C3: variants seen among roughly 807,000 people sequenced by gnomAD.
C3 encodes complement C3.
In C3, 97 loss-of-function variants were observed where a neutral mutation model predicts 207.9. The observed-to-expected ratio is 0.47, with a 90% confidence interval of 0.40 to 0.55. The LOEUF (loss-of-function observed/expected upper bound fraction) is 0.55. C3 is among the 20% of genes least tolerant of loss of function. The pLI, the probability that C3 is intolerant of heterozygous loss-of-function variation, is 0.00. For synonymous variants in C3, 848 were observed against 857.6 expected, an observed-to-expected ratio of 0.99 and a Z score of 0.20; for missense variants, 1,684 against 2,171.7, an observed-to-expected ratio of 0.78 and a Z score of 4.46.
At chr19:6,701,260 G>C (rs1967667198) in intron 19 of C3, among the ~76,000 whole-genome samples, 1 of 152,086 alleles carries the variant, frequency 6.6e-6, no homozygotes, top group Non-Finnish European at 1.5e-5. Context: ...GTTGTGTTTT[G>C]CTCATTATCA....
At position 6,710,983 on chromosome 19, in the gene C3, G is replaced by C; in HGVS notation, c.1479+4C>G. ...GGGGCTGAGGTTTCCAGGTGGCCAC[G>C]GACCAGGTAGGTGTAGTAGCGGATC... On this transcript the variant is annotated splice_donor_region_variant and intron_variant, in intron 12 of 40. Coordinates refer to ENST00000245907, the MANE Select transcript of C3 (RefSeq NM_000064.4). The C allele has an allele frequency of 6.2e-7, 1 of 1,613,870 alleles. No individual in the cohort carries two copies. Among genetic ancestry groups the C allele is most frequent in the Non-Finnish European group, 8.5e-7 (1 of 1,179,776 alleles).
Position 6,697,703 on chromosome 19 carries a change from C to T in C3, c.2532G>A (p.Gln844=), listed in dbSNP as rs749656023. 2 of 1,614,108 alleles carry T rather than the reference C, an allele frequency of 1.2e-6. No individual in the cohort carries two copies. The highest frequency in any genetic ancestry group is 1.1e-5 in the South Asian group (1 of 91,074). The change falls in exon 20 of 41, where the codon CAG becomes CAA. Residue 844 remains glutamine (Q), a synonymous_variant. Coordinates refer to ENST00000245907, the MANE Select transcript of C3 (RefSeq NM_000064.4). ...RLPYSVVRNE[Q]VEIRAVLYNY... is the part of the protein sequence containing the mutation. ...TGTAGAGAACGGCTCGGATTTCCAC[C>T]TGCTCGTTTCGAACAACAGAGTAGG... is the stretch of plus-strand genomic sequence containing the variant.
intron 9 of C3, 55 bp from the exon 10 acceptor site, chr19:6,712,678 T>G (rs1187107045): frequency 6.9e-7 from 1 of 1,446,326 alleles, no homozygotes; most frequent in Non-Finnish European, 9.7e-7. Context: ...GGATTAGACC[T>G]CCTCCCTCAG....
chr19:6,714,598 ACG>A, intron 4 of C3, 152 bp from the exon 5 acceptor site: 1 of 689,260 alleles, frequency 1.5e-6, no homozygotes. Context: ...GCAGCGGCTC[ACG>A]CCTGTCATCC....
chr19:6,706,146 T>C lies in C3; in HGVS notation c.2245+930A>G, dbSNP rs565866511. 8.5e-5 allele frequency among the ~76,000 whole-genome samples: 13 copies of C among 152,344 alleles called. No homozygotes were observed. In the South Asian group the frequency reaches 2.5e-3, roughly 29 times the overall value. Reference sequence around the variant, plus strand: ...TCTGGAATGCCACACAAATTAGTTTTCTCTGGTGAAGCCAAACTTGGAACT... The same window carrying C: ...TCTGGAATGCCACACAAATTAGTTTCCTCTGGTGAAGCCAAACTTGGAACT... On this transcript the variant is annotated intron_variant, in intron 17 of 40. Coordinates refer to ENST00000245907, the MANE Select transcript of C3 (RefSeq NM_000064.4).
Position 6,694,459 on chromosome 19 carries a change from C to T in C3, c.3126G>A (p.Arg1042=), listed in dbSNP as rs1468006570. The T allele has an allele frequency of 6.2e-7, 1 of 1,613,988 alleles. No individual in the cohort carries two copies. The highest frequency in any genetic ancestry group is 1.7e-5 in the Admixed American group (1 of 60,004). Residue 1042 remains arginine (R), a synonymous_variant, in exon 24 of 41, where the codon CGG becomes CGA. Transcript: ENST00000245907. ...TCTTGATGAGCTCCAAGGCCCCCTG[C>T]CGCTTCTCTAGGCCGAACTTCTCCC... The part of the protein sequence containing the change: ...EQWEKFGLEK[R]QGALELIKKG...
intron 38 of C3, among the ~76,000 whole-genome samples, 179 bp downstream of exon 38, chr19:6,678,946 C>T (rs972330952): frequency 2.0e-5 from 3 of 152,160 alleles, no homozygotes; most frequent in Admixed American, 6.6e-5. Context: ...CATACCTAGG[C>T]CACTCACAGT....
At chr19:6,705,794 C>A (rs929422414) in intron 17 of C3, among the ~76,000 whole-genome samples, 3 of 152,188 alleles carry the variant, frequency 2.0e-5, no homozygotes, top group Non-Finnish European at 2.9e-5. Context: ...CCCACCTCAG[C>A]CTCCTGAGTA....
intron 4 of C3, chr19:6,717,729 GTGTGTGT>G: frequency 2.9e-6 from 1 of 348,078 alleles, no homozygotes; most frequent in Non-Finnish European, 5.2e-6. Flanking sequence ...GTATTGTGTT[GTGTGTGT>G]TGTGTGTTGT....
At chr19:6,692,743 G>A (rs960952982) in intron 26 of C3, among the ~76,000 whole-genome samples, 181 bp downstream of exon 26, 24 of 150,750 alleles carry the variant, frequency 1.6e-4, no homozygotes, top group African/African-American at 5.5e-4. Flanking sequence ...GCAGGTCTCT[G>A]GTTTTTGCAA....
chr19:6,677,885 G>A lies in C3; in HGVS notation c.4989C>T (p.Asn1663=). Residue 1663 remains asparagine (N), a synonymous_variant, in exon 41 of 41, where the codon AAC becomes AAT. Transcript: ENST00000245907. Reference sequence around the variant, plus strand: ...GAGTGGGGGAATGGGGGTGTGGTCAGTTGGGGCACCCAAAGACAACCATGC... The same window carrying A: ...GAGTGGGGGAATGGGGGTGTGGTCAATTGGGGCACCCAAAGACAACCATGC... ...TESMVVFGCP[N] 2 of 1,614,058 alleles carry A rather than the reference G, an allele frequency of 1.2e-6. No individual in the cohort carries two copies. The highest frequency in any genetic ancestry group is 1.7e-6 in the Non-Finnish European group (2 of 1,180,044).
rs572089870 is a variant in C3 at position 6,701,700 on chromosome 19, C to T, written c.2440+427G>A. ...CCCCTGCCTGGCTAATTGTTTTGTA[C>T]TTTCAGTAGAGACGGGGTTTCACCA... On this transcript the variant is annotated intron_variant, in intron 19 of 40. Coordinates refer to ENST00000245907, the MANE Select transcript of C3 (RefSeq NM_000064.4). Among the ~76,000 whole-genome samples the T allele has an allele frequency of 1.2e-4, 19 of 152,210 alleles. No individual in the cohort carries two copies. In the East Asian group the frequency reaches 3.7e-3, roughly 29 times the overall value.
intron 14 of C3, among the ~76,000 whole-genome samples, chr19:6,709,311 G>C (rs1305269634): frequency 6.6e-6 from 1 of 152,156 alleles, no homozygotes; most frequent in Non-Finnish European, 1.5e-5. Context: ...AGCTGGGCGT[G>C]GTGATGGGCA....
chr19:6,711,279 C>G (rs1475242001), intron 11 of C3, 83 bp from the exon 12 acceptor site: 1 of 1,140,296 alleles, frequency 8.8e-7, no homozygotes, highest in African/African-American at 1.5e-5. Context: ...AATTGGTGGC[C>G]TTTCTTAACA....
intron 24 of C3, 54 bp downstream of exon 24, chr19:6,694,377 G>A (rs1375316460): frequency 1.7e-5 from 26 of 1,512,066 alleles, no homozygotes; most frequent in Non-Finnish European, 2.3e-5. Flanking sequence ...TCTTAGGGGA[G>A]GGATGCGCTC....
chr19:6,700,094 T>G (rs1014270992), intron 19 of C3, among the ~76,000 whole-genome samples: 4 of 146,226 alleles, frequency 2.7e-5, no homozygotes, highest in South Asian at 4.2e-4. Context: ...TATAATGTAT[T>G]AAATTATAAT....
At chr19:6,704,460 A>T (rs1967732909) in intron 17 of C3, among the ~76,000 whole-genome samples, 1 of 152,088 alleles carries the variant, frequency 6.6e-6, no homozygotes, top group South Asian at 2.1e-4. Flanking sequence ...AAAAATATAT[A>T]TATTTTAATA....
chr19:6,718,459 G>A (rs767541854), intron 2 of C3, 47 bp from the exon 3 acceptor site: 17 of 1,605,990 alleles, frequency 1.1e-5, no homozygotes, highest in South Asian at 1.1e-5. Context: ...AAGGCCCCAT[G>A]CCCACGGTCC....
chr19:6,710,673 A>C lies in C3; in HGVS notation c.1652T>G (p.Val551Gly). 1 of 1,613,324 alleles carries C rather than the reference A, an allele frequency of 6.2e-7. No individual in the cohort carries two copies. The highest frequency in any genetic ancestry group is 8.5e-7 in the Non-Finnish European group (1 of 1,179,850). ...GCAGGAGTCCTTGACGTCCACCCACACGGAGTCGGCCACCACCTCCCTCTG... is the reference window on the plus strand; with the variant it reads ...GCAGGAGTCCTTGACGTCCACCCACCCGGAGTCGGCCACCACCTCCCTCTG... ...SGQREVVADS[V>G]WVDVKDSCVG... is the part of the protein sequence containing the mutation. Residue 551 changes from valine to glycine, a missense_variant, in exon 13 of 41, where the codon GTG becomes GGG. By Grantham distance (109) the Val-to-Gly change is moderately radical (BLOSUM62 -3). Around this residue, in one of 3 missense-constraint regions of C3, gnomAD observed 1,280 missense variants for 1,739.1 expected, o/e 0.74. Transcript: ENST00000245907.
Sources: allele counts gnomAD v4.1 joint callset (sites outside exome capture counted in the v4.1 genomes callset), GRCh38; gene constraint gnomAD v4.1.1; regional missense constraint gnomAD v4.1.1; transcripts MANE v1.5; gene names NCBI Gene and HGNC (gene_info 2026-07-23, HGNC 2026-07-21).